Variants in IL1RAPL1 observed in about 807,000 individuals in gnomAD.
The protein encoded by IL1RAPL1 is interleukin-1 receptor accessory protein-like 1.
A neutral mutation model predicts 48.4 loss-of-function variants in IL1RAPL1; 3 were observed. The ratio of observed to expected loss-of-function variants is 0.06; its 90% CI spans 0.03 to 0.16. The LOEUF is 0.16. Ranked by LOEUF, IL1RAPL1 falls within the 10% of genes least tolerant of loss-of-function variation. IL1RAPL1 has a pLI of 1.00. For missense variants in IL1RAPL1, 349 were observed against 530.6 expected, an observed-to-expected ratio of 0.66 and a Z score of 3.36; for synonymous variants, 185 against 187.7, an observed-to-expected ratio of 0.99 and a Z score of 0.12.
At position 28,750,696 on chromosome X, in the gene IL1RAPL1, C is replaced by G. The variant is rs960908413; in HGVS notation, c.-24-38624C>G. Reference sequence around the variant, plus strand: ...AGAAGTGGCATTTATTTTTAGGACCCACACAACTGTTTCTGAACTTGTAAG... The same window carrying G: ...AGAAGTGGCATTTATTTTTAGGACCGACACAACTGTTTCTGAACTTGTAAG... On this transcript the variant is annotated intron_variant, in intron 1 of 10. Coordinates refer to ENST00000378993, the MANE Select transcript of IL1RAPL1 (RefSeq NM_014271.4). Among the ~76,000 whole-genome samples, 25 of 111,496 alleles carry G rather than the reference C, an allele frequency of 2.2e-4. 1 individual carries two copies. The highest frequency in any genetic ancestry group is 6.5e-4 in the African/African-American group (20 of 30,723).
At chrX:29,941,374 C>T (rs1933124524) in intron 8 of IL1RAPL1, among the ~76,000 whole-genome samples, 1 of 112,198 alleles carries the variant, frequency 8.9e-6, no homozygotes, top group Admixed American at 9.4e-5. Flanking sequence ...TTACAATTCT[C>T]TTAATCCAAA....
chrX:28,804,290 A>G (rs1936704697), intron 2 of IL1RAPL1, among the ~76,000 whole-genome samples: 1 of 111,833 alleles, frequency 8.9e-6, no homozygotes, highest in Non-Finnish European at 1.9e-5. Context: ...AAAGATGAAC[A>G]ATCTACCACC....
chrX:29,186,083 G>A (rs1930246115), intron 2 of IL1RAPL1, among the ~76,000 whole-genome samples: 1 of 112,066 alleles, frequency 8.9e-6, no homozygotes, highest in Non-Finnish European at 1.9e-5. Context: ...ATAACAGCCT[G>A]TAATAAGCTT....
chrX:28,652,478 T>C (rs1276058426), intron 1 of IL1RAPL1, among the ~76,000 whole-genome samples: 1 of 111,844 alleles, frequency 8.9e-6, no homozygotes, highest in Non-Finnish European at 1.9e-5. Flanking sequence ...TAAATTAGCA[T>C]TTTATTTATA....
At chrX:29,428,726 C>T (rs1319841065) in intron 5 of IL1RAPL1, among the ~76,000 whole-genome samples, 6 of 111,522 alleles carry the variant, frequency 5.4e-5, no homozygotes, top group Admixed American at 9.6e-5. Flanking sequence ...CTGCTGCCAC[C>T]TGCTTCACAC....
chrX:29,123,800 G>C (rs1276575613), intron 2 of IL1RAPL1, among the ~76,000 whole-genome samples: 1 of 111,880 alleles, frequency 8.9e-6, no homozygotes, highest in African/African-American at 3.2e-5. Flanking sequence ...GAGACATGTT[G>C]TTAGTGTGAA....
intron 2 of IL1RAPL1, among the ~76,000 whole-genome samples, chrX:28,968,488 A>G (rs1055563313): frequency 8.1e-5 from 9 of 111,650 alleles, no homozygotes; most frequent in African/African-American, 2.9e-4. Flanking sequence ...TCTTTAACCC[A>G]AGCGCAAAGT....
At position 28,947,392 on chromosome X, in the gene IL1RAPL1, G is replaced by T. The variant is rs759393229; in HGVS notation, c.82+157967G>T. ...TTGTACTGAGTGGCTGGTATGGTAA[G>T]TGCCATGAGAGGTACAAAGATGAGG... On this transcript the variant is annotated intron_variant, in intron 2 of 10. Transcript: ENST00000378993. Among the ~76,000 whole-genome samples the T allele has an allele frequency of 3.5e-3, 386 of 111,492 alleles. 3 individuals carry two copies. Among genetic ancestry groups the T allele is most frequent in the African/African-American group, 0.011 (350 of 30,715 alleles).
intron 6 of IL1RAPL1, among the ~76,000 whole-genome samples, chrX:29,836,704 A>G (rs754430789): frequency 1.8e-5 from 2 of 111,519 alleles, no homozygotes; most frequent in South Asian, 7.5e-4. Flanking sequence ...TGATTTTGTC[A>G]GCACATTGAT....
intron 4 of IL1RAPL1, among the ~76,000 whole-genome samples, chrX:29,398,468 A>T (rs1933946616): frequency 8.9e-6 from 1 of 112,074 alleles, no homozygotes; most frequent in African/African-American, 3.2e-5. Context: ...CATCATTATT[A>T]TTCAAAGCTT....
intron 2 of IL1RAPL1, among the ~76,000 whole-genome samples, chrX:29,145,710 A>G (rs763168239): frequency 1.8e-5 from 2 of 111,404 alleles, no homozygotes; most frequent in South Asian, 7.5e-4. Flanking sequence ...CCCCAAAACT[A>G]TTTATCTCAT....
intron 2 of IL1RAPL1, among the ~76,000 whole-genome samples, chrX:29,067,093 T>A (rs1357031352): frequency 9.0e-6 from 1 of 111,376 alleles, no homozygotes; most frequent in Non-Finnish European, 1.9e-5. Context: ...ATGGTTGTTA[T>A]TGTTTGTTTG....
intron 6 of IL1RAPL1, among the ~76,000 whole-genome samples, chrX:29,766,697 T>TATAATATATAA (rs1555918217): frequency 1.1e-5 from 1 of 87,997 alleles, no homozygotes; most frequent in African/African-American, 4.7e-5. Flanking sequence ...TATATATTAA[T>TATAATATATAA]ATATAATATA....
chrX:29,718,773 G>A (rs1172404801), intron 6 of IL1RAPL1, among the ~76,000 whole-genome samples: 1 of 110,066 alleles, frequency 9.1e-6, no homozygotes, highest in Non-Finnish European at 1.9e-5. Context: ...TTATTTGGAT[G>A]CAGGGAGTCC....
chrX:29,275,563 T>A (rs1195543863), intron 2 of IL1RAPL1, among the ~76,000 whole-genome samples: 1 of 112,390 alleles, frequency 8.9e-6, no homozygotes, highest in Non-Finnish European at 1.9e-5. Flanking sequence ...TTAAATCCTT[T>A]TTGATCTTCC....
intron 5 of IL1RAPL1, among the ~76,000 whole-genome samples, chrX:29,404,701 C>A (rs1044526070): frequency 9.0e-6 from 1 of 111,677 alleles, no homozygotes; most frequent in African/African-American, 3.3e-5. Context: ...ATTTTACCTT[C>A]ATTTATTCCT....
chrX:29,493,677 T>C (rs1935182258), intron 5 of IL1RAPL1, among the ~76,000 whole-genome samples: 1 of 111,545 alleles, frequency 9.0e-6, no homozygotes, highest in African/African-American at 3.3e-5. Context: ...TTAAAAATCA[T>C]TTCAACTTTT....
chrX:29,759,182 A>C, intron 6 of IL1RAPL1, among the ~76,000 whole-genome samples: 1 of 112,344 alleles, frequency 8.9e-6, no homozygotes, highest in Non-Finnish European at 1.9e-5. Context: ...TTAAAGGTGT[A>C]ATTGTTGTCA....
chrX:29,800,294 G>A (rs1165776446), intron 6 of IL1RAPL1, among the ~76,000 whole-genome samples: 2 of 110,791 alleles, frequency 1.8e-5, no homozygotes. Flanking sequence ...TGAACTAGAT[G>A]CTACCAACAC....
Sources: allele counts gnomAD v4.1 joint callset (sites outside exome capture counted in the v4.1 genomes callset), GRCh38; gene constraint gnomAD v4.1.1; transcripts MANE v1.5; gene names NCBI Gene and HGNC (gene_info 2026-07-23, HGNC 2026-07-21).